OBI1: variants seen among roughly 807,000 people sequenced by gnomAD.
The protein encoded by OBI1 is ring finger protein 219.
A neutral mutation model predicts 62.4 loss-of-function variants in OBI1; 59 were observed. The observed-to-expected ratio is 0.95, with a 90% CI of 0.77 to 1.17. OBI1 has a LOEUF of 1.17. OBI1 is among the 50% of genes most tolerant of loss of function. The probability of loss-of-function intolerance (pLI) is 0.00; values close to 1 mark genes in which losing one functional copy is unlikely to be tolerated. For synonymous variants in OBI1, 302 were observed against 292.8 expected (o/e 1.03, Z -0.32); for missense variants, 875 against 830.9 (o/e 1.05, Z -0.65).
intron 1 of OBI1, among the ~76,000 whole-genome samples, chr13:78,649,270 G>C (rs1876475083): frequency 6.6e-6 from 1 of 152,312 alleles, no homozygotes; most frequent in African/African-American, 2.4e-5. Flanking sequence ...AAAGGAAGAG[G>C]AAGAGCAACC....
At chr13:78,658,726 C>A (rs973402667) in intron 1 of OBI1, among the ~76,000 whole-genome samples, 3 of 152,180 alleles carry the variant, frequency 2.0e-5, no homozygotes, top group East Asian at 3.9e-4. Flanking sequence ...AATATCCCTG[C>A]GATGCGTTTC....
chr13:78,639,737 C>G (rs1189537510), intron 3 of OBI1, among the ~76,000 whole-genome samples: 1 of 148,508 alleles, frequency 6.7e-6, no homozygotes, highest in South Asian at 2.2e-4. Flanking sequence ...TAAACTATCG[C>G]AAGAACAAAA....
intron 1 of OBI1, among the ~76,000 whole-genome samples, chr13:78,649,296 CA>C (rs368255765): frequency 7.2e-5 from 11 of 152,266 alleles, no homozygotes; most frequent in Non-Finnish European, 1.3e-4. Context: ...AGGAAACTGA[CA>C]AGGAGGGGTC....
At chr13:78,651,701 C>G (rs1876549137) in intron 1 of OBI1, among the ~76,000 whole-genome samples, 1 of 152,118 alleles carries the variant, frequency 6.6e-6, no homozygotes, top group South Asian at 2.1e-4. Context: ...TCAGAATTAA[C>G]CAAGTCTTTG....
rs532292205 is a variant in OBI1, at chr13:78,643,323, A to C, written c.209-1110T>G. 3.3e-5 allele frequency among the ~76,000 whole-genome samples: 5 copies of C among 152,294 alleles called. No individual in the cohort carries two copies. The South Asian group carries it at 1.0e-3, about 32-fold the overall frequency. The stretch of plus-strand genomic sequence containing the variant: ...TGGTGAAATTCAGCAGGTAAAAAAA[A>C]ACAGATAGAGGTTAACCCCGTAGCA... On this transcript the variant is annotated intron_variant, in intron 2 of 5. Transcript: ENST00000282003.
chr13:78,652,867 C>T (rs1487443331), intron 1 of OBI1, among the ~76,000 whole-genome samples: 3 of 152,118 alleles, frequency 2.0e-5, no homozygotes, highest in Non-Finnish European at 4.4e-5. Flanking sequence ...CTGAACAGTA[C>T]CTGACTGAGA....
At chr13:78,631,553 C>A (rs1037973359) in intron 5 of OBI1, among the ~76,000 whole-genome samples, 1 of 152,136 alleles carries the variant, frequency 6.6e-6, no homozygotes, top group African/African-American at 2.4e-5. Flanking sequence ...AAATCCAAAT[C>A]TCTTAGGAGT....
At chr13:78,623,271 A>T (rs896803071) in intron 5 of OBI1, among the ~76,000 whole-genome samples, 2 of 44,834 alleles carry the variant, frequency 4.5e-5, no homozygotes, top group African/African-American at 2.5e-4. Flanking sequence ...GAGAACATTT[A>T]AAAAAAAAAA....
rs193000169 is a variant in OBI1, at chr13:78,642,256, C to T, written c.209-43G>A. On this transcript the variant is annotated intron_variant, in intron 2 of 5. Coordinates refer to ENST00000282003, the MANE Select transcript of OBI1 (RefSeq NM_024546.4). ...AAAATCCTAATTTTTCATTCTGATTCGGGAAGAATGAAAATGATCCTTTTT... is the reference window on the plus strand; with the variant it reads ...AAAATCCTAATTTTTCATTCTGATTTGGGAAGAATGAAAATGATCCTTTTT... 331 of 1,211,038 alleles carry T rather than the reference C, an allele frequency of 2.7e-4. 3 individuals are homozygous for T. In the African/African-American group the frequency reaches 3.9e-3, roughly 14 times the overall value. The allele number at this position is 1,211,038 out of a possible 1,614,324, so 75.0% of individuals were successfully genotyped here. A position where few individuals can be genotyped will look rare whatever the true frequency, so the allele number is the denominator to read the frequency against.
At chr13:78,656,341 TG>T (rs779856132) in intron 1 of OBI1, among the ~76,000 whole-genome samples, 3 of 147,412 alleles carry the variant, frequency 2.0e-5, no homozygotes, top group Non-Finnish European at 3.0e-5. Context: ...CCCAGCACTT[TG>T]GGAGGCCGAG....
chr13:78,627,636 A>T (rs1014645957), intron 5 of OBI1, among the ~76,000 whole-genome samples: 8 of 152,200 alleles, frequency 5.3e-5, no homozygotes, highest in African/African-American at 1.9e-4. Context: ...ATAGCATTCC[A>T]TGCTGTATAT....
intron 4 of OBI1, among the ~76,000 whole-genome samples, chr13:78,637,228 G>A (rs1290744008): frequency 1.3e-5 from 2 of 152,070 alleles, no homozygotes; most frequent in Admixed American, 1.3e-4. Flanking sequence ...ATTTGATTAT[G>A]TTGAGTATGT....
At chr13:78,630,388 T>C (rs1420973915) in intron 5 of OBI1, among the ~76,000 whole-genome samples, 1 of 152,178 alleles carries the variant, frequency 6.6e-6, no homozygotes, top group Non-Finnish European at 1.5e-5. Flanking sequence ...TCCTTTGTAT[T>C]ATATCCTTTG....
chr13:78,620,106 A>G (rs1875459412), intron 5 of OBI1, among the ~76,000 whole-genome samples: 1 of 152,178 alleles, frequency 6.6e-6, no homozygotes, highest in Admixed American at 6.5e-5. Context: ...GACTGCAAAT[A>G]GATGAGACTT....
intron 1 of OBI1, among the ~76,000 whole-genome samples, chr13:78,652,550 C>G (rs1876575071): frequency 6.6e-6 from 1 of 152,160 alleles, no homozygotes; most frequent in Non-Finnish European, 1.5e-5. Context: ...CCAAACTCAT[C>G]TGGAGTAAGC....
Position 78,642,225 on chromosome 13 carries a change from A to T in OBI1, c.209-12T>A. On this transcript the variant is annotated splice_polypyrimidine_tract_variant and intron_variant, in intron 2 of 5. Transcript: ENST00000282003. Reference sequence around the variant, plus strand: ...TTCACTTGTTCCTCCTGTAGGGAAAAAAAAAAAAATCCTAATTTTTCATTC... The same window carrying T: ...TTCACTTGTTCCTCCTGTAGGGAAATAAAAAAAAATCCTAATTTTTCATTC... 4 of 1,506,316 alleles carry T rather than the reference A, an allele frequency of 2.7e-6. No homozygotes were observed. The highest frequency in any genetic ancestry group is 2.7e-6 in the Non-Finnish European group (3 of 1,093,002). 93.3% of individuals were successfully genotyped at this position (1,506,316 alleles called of 1,614,324 possible).
In OBI1 at chr13:78,627,044, C is replaced by T. The variant is rs377684400; in HGVS notation, c.638+8066G>A. ...TGGTGCCACTGCACTCCAGCCTGGGCGACAGCACAGGAAAGAAAGGTAAGC... is the reference window on the plus strand; with the variant it reads ...TGGTGCCACTGCACTCCAGCCTGGGTGACAGCACAGGAAAGAAAGGTAAGC... On this transcript the variant is annotated intron_variant, in intron 5 of 5. Coordinates refer to ENST00000282003, the MANE Select transcript of OBI1 (RefSeq NM_024546.4). 3.0e-4 allele frequency among the ~76,000 whole-genome samples: 45 copies of T among 152,014 alleles called. No individual in the cohort carries two copies. In the South Asian group the frequency reaches 5.4e-3, roughly 18 times the overall value.
chr13:78,633,862 T>C (rs1875930889), intron 5 of OBI1, among the ~76,000 whole-genome samples: 2 of 151,872 alleles, frequency 1.3e-5, no homozygotes, highest in African/African-American at 4.8e-5. Context: ...GGTCAGGAGA[T>C]CGAGACCATC....
Position 78,616,375 on chromosome 13 carries a change from T to C in OBI1, c.1386A>G (p.Pro462=). 1 of 1,613,582 alleles carries C rather than the reference T, an allele frequency of 6.2e-7. No individual in the cohort carries two copies. The highest frequency in any genetic ancestry group is 1.3e-5 in the African/African-American group (1 of 75,024). The change falls in exon 6 of 6, where the codon CCA becomes CCG. Residue 462 remains proline, a synonymous_variant. Coordinates refer to ENST00000282003, the MANE Select transcript of OBI1 (RefSeq NM_024546.4). ...NEKKSECFSS[P]KTGFWDCCST... is the part of the protein sequence containing the mutation. ...AACAACAGTCCCAAAATCCTGTCTT[T>C]GGGGAAGAAAAACATTCTGATTTCT...
Sources: gnomAD v4.1 joint callset for allele counts (sites outside exome capture counted in the v4.1 genomes callset) on GRCh38, gnomAD v4.1.1 for gene constraint, MANE v1.5 for transcripts, NCBI Gene and HGNC (gene_info 2026-07-23, HGNC 2026-07-21) for gene names.